The following ARL5B variants were observed in gnomAD, a reference collection of about 807,000 sequenced individuals.
ARL5B encodes the protein ARF like GTPase 5B.
ARL5B carries 10 observed loss-of-function variants against 26.9 expected under a neutral mutation model. The observed-to-expected ratio is 0.37, with a 90% CI of 0.23 to 0.63. ARL5B has a LOEUF of 0.63. Ranked by LOEUF, ARL5B falls within the 30% of genes least tolerant of loss-of-function variation. The probability of loss-of-function intolerance (pLI) is 0.62; values close to 1 mark genes in which losing one functional copy is unlikely to be tolerated. For synonymous variants in ARL5B, 87 were observed against 70.4 expected, an observed-to-expected ratio of 1.24 and a Z score of -1.18; for missense variants, 167 against 213.9, an observed-to-expected ratio of 0.78 and a Z score of 1.37.
intron 3 of ARL5B, among the ~76,000 whole-genome samples, chr10:18,670,552 A>T (rs531805510): frequency 1.3e-5 from 2 of 152,326 alleles, no homozygotes; most frequent in East Asian, 3.9e-4. Context: ...CGGAGGTGGC[A>T]GTGAGCTGAG....
At position 18,659,680 on chromosome 10, in the gene ARL5B, C is replaced by G. The variant is rs780532011; in HGVS notation, c.43C>G (p.Gln15Glu). 47 of 1,612,856 alleles carry G rather than the reference C, an allele frequency of 2.9e-5. No homozygotes were observed. The highest frequency in any genetic ancestry group is 4.0e-5 in the Non-Finnish European group (47 of 1,179,562). Reference protein sequence around the residue: ...FAKLWSLFCNQEHKVIIVGLD... With the variant: ...FAKLWSLFCNEEHKVIIVGLD... ...CAAACTGTGGAGCCTCTTCTGTAACCAAGGTGAGAAGAATGGAGCTGCGCG... is the reference window on the plus strand; with the variant it reads ...CAAACTGTGGAGCCTCTTCTGTAACGAAGGTGAGAAGAATGGAGCTGCGCG... The change falls in exon 1 of 6, where the codon CAA becomes GAA. Residue 15 changes from glutamine (Q) to glutamate (E), a missense_variant. Coordinates refer to ENST00000377275, the MANE Select transcript of ARL5B (RefSeq NM_178815.5).
At chr10:18,667,903 C>G (rs953401679) in intron 2 of ARL5B, among the ~76,000 whole-genome samples, 21 of 151,990 alleles carry the variant, frequency 1.4e-4, no homozygotes, top group Non-Finnish European at 2.8e-4. Context: ...TTAGTAGAGA[C>G]GAGGCTTCAC....
rs1025401706 is a variant in ARL5B, at chr10:18,668,760, T to C, written c.255+83T>C. 39 of 1,362,166 alleles carry C rather than the reference T, an allele frequency of 2.9e-5. No homozygotes were observed. The African/African-American group carries it at 5.2e-4, about 18-fold the overall frequency. The allele number at this position is 1,362,166 out of a possible 1,614,324, so 84.4% of individuals were successfully genotyped here. On this transcript the variant is annotated intron_variant, in intron 3 of 5. Coordinates refer to ENST00000377275, the MANE Select transcript of ARL5B (RefSeq NM_178815.5). ...GTAATTAGGCTGCACCTGGGCGTAT[T>C]GACAGTTGCCTTTTTTTTTTTTTTT...
chr10:18,666,297 T>C (rs1359407129), intron 1 of ARL5B, among the ~76,000 whole-genome samples: 1 of 152,228 alleles, frequency 6.6e-6, no homozygotes, highest in Non-Finnish European at 1.5e-5. Flanking sequence ...TCCTCTCCCC[T>C]AGATGCAATA....
chr10:18,662,794 C>T (rs913368115), intron 1 of ARL5B, among the ~76,000 whole-genome samples: 1 of 151,062 alleles, frequency 6.6e-6, no homozygotes, highest in Non-Finnish European at 1.5e-5. Context: ...ACCTCCATCT[C>T]CTGGGTTCAA....
At chr10:18,673,385 A>G (rs1210530977) in intron 4 of ARL5B, among the ~76,000 whole-genome samples, 1 of 152,096 alleles carries the variant, frequency 6.6e-6, no homozygotes, top group Non-Finnish European at 1.5e-5. Flanking sequence ...TCAAACTTAT[A>G]CTATATAATA....
At chr10:18,667,714 TACACAC>T (rs764073680) in intron 2 of ARL5B, among the ~76,000 whole-genome samples, 2 of 149,310 alleles carry the variant, frequency 1.3e-5, no homozygotes, top group South Asian at 2.1e-4. Context: ...TATATATATA[TACACAC>T]ACACACAAAC....
intron 3 of ARL5B, among the ~76,000 whole-genome samples, chr10:18,669,492 G>T (rs1156568604): frequency 6.6e-6 from 1 of 152,070 alleles, no homozygotes; most frequent in Non-Finnish European, 1.5e-5. Context: ...TATGAGTTCA[G>T]AGCTAACTTG....
chr10:18,673,401 C>T (rs1288905035), intron 4 of ARL5B, among the ~76,000 whole-genome samples: 2 of 152,060 alleles, frequency 1.3e-5, no homozygotes, highest in Non-Finnish European at 2.9e-5. Context: ...TAATATATAT[C>T]TTTCTGAATC....
chr10:18,674,625 A>G (rs973578223), intron 5 of ARL5B, among the ~76,000 whole-genome samples: 5 of 152,178 alleles, frequency 3.3e-5, no homozygotes, highest in African/African-American at 7.2e-5. Context: ...CATCTCTAAC[A>G]ATTTGAATGT....
rs1399822703 is a variant in ARL5B at position 18,678,777 on chromosome 10, T to G, written c.*3561T>G. On this transcript the variant is annotated 3_prime_UTR_variant, in exon 6 of 6. Coordinates refer to ENST00000377275, the MANE Select transcript of ARL5B (RefSeq NM_178815.5). ...GGTAAAGTGACTTCAAGATACAGCATGGTGTCTTGTATCTAGTAGAATATT... is the reference window on the plus strand; with the variant it reads ...GGTAAAGTGACTTCAAGATACAGCAGGGTGTCTTGTATCTAGTAGAATATT... 1 of 151,812 alleles carries G rather than the reference T, an allele frequency of 6.6e-6. No individual in the cohort carries two copies. The highest frequency in any genetic ancestry group is 6.6e-5 in the Admixed American group (1 of 15,228). The allele number at this position is 151,812 out of a possible 1,614,324, so 9.4% of individuals were successfully genotyped here. A position where few individuals can be genotyped will look rare whatever the true frequency, so the allele number is the denominator to read the frequency against.
At chr10:18,672,571 C>G in intron 3 of ARL5B, 51 bp from the exon 4 acceptor site, 1 of 1,425,256 alleles carries the variant, frequency 7.0e-7, no homozygotes, top group Non-Finnish European at 9.8e-7. Context: ...TTACAGAAAA[C>G]TTTTCAGCAT....
chr10:18,672,362 G>A (rs549918313), intron 3 of ARL5B, among the ~76,000 whole-genome samples: 5 of 152,060 alleles, frequency 3.3e-5, no homozygotes, highest in South Asian at 2.1e-4. Flanking sequence ...TTATGTATTC[G>A]GGCATCACTT....
Position 18,678,881 on chromosome 10 carries a change from T to G in ARL5B, c.*3665T>G, listed in dbSNP as rs1258380130. ...TGTCTAGTTGACCTTAGACAATTAG[T>G]GTCCATGGCTTTCCTTTTGTTTTTC... On this transcript the variant is annotated 3_prime_UTR_variant, in exon 6 of 6. Coordinates refer to ENST00000377275, the MANE Select transcript of ARL5B (RefSeq NM_178815.5). 4 of 151,902 alleles carry G rather than the reference T, an allele frequency of 2.6e-5. No homozygotes were observed. The highest frequency in any genetic ancestry group is 5.9e-5 in the Non-Finnish European group (4 of 67,816). 9.4% of individuals were successfully genotyped at this position (151,902 alleles called of 1,614,324 possible).
intron 3 of ARL5B, among the ~76,000 whole-genome samples, chr10:18,672,315 G>C (rs1444912256): frequency 6.6e-6 from 1 of 152,140 alleles, no homozygotes; most frequent in African/African-American, 2.4e-5. Flanking sequence ...TTCAAAAATT[G>C]CTTTTTACTA....
rs1461748310 is a variant in ARL5B at position 18,680,222 on chromosome 10, C to T, written c.*5006C>T. On this transcript the variant is annotated 3_prime_UTR_variant, in exon 6 of 6. Transcript: ENST00000377275. ...TGTTTGTACCATCCCATAAAAACCC[C>T]CTTCACCCAAACTGTATTTGAAATA... 6.6e-6 allele frequency: 1 copy of T among 151,918 alleles called. No homozygotes were observed. Among genetic ancestry groups the T allele is most frequent in the Non-Finnish European group, 1.5e-5 (1 of 67,886 alleles). The allele number at this position is 151,918 out of a possible 1,614,324, so 9.4% of individuals were successfully genotyped here.
At chr10:18,667,725 A>G (rs2059867927) in intron 2 of ARL5B, among the ~76,000 whole-genome samples, 4 of 151,940 alleles carry the variant, frequency 2.6e-5, no homozygotes, top group Admixed American at 2.6e-4. Context: ...ACACACACAC[A>G]CAAACACACA....
rs1356355506 is a variant in ARL5B at position 18,675,256 on chromosome 10, C to T, written c.*40C>T. The T allele has an allele frequency of 3.1e-6, 5 of 1,591,410 alleles. 1 individual carries two copies. The South Asian group carries it at 4.4e-5, about 14-fold the overall frequency. The stretch of plus-strand genomic sequence containing the variant: ...AGAGACTGCTCTATTTATTCTGTGA[C>T]ATGAACATTTTTTCCTAGTACCTTT... On this transcript the variant is annotated 3_prime_UTR_variant, in exon 6 of 6. Coordinates refer to ENST00000377275, the MANE Select transcript of ARL5B (RefSeq NM_178815.5).
intron 1 of ARL5B, among the ~76,000 whole-genome samples, chr10:18,662,176 A>G: frequency 6.6e-6 from 1 of 152,244 alleles, no homozygotes; most frequent in East Asian, 1.9e-4. Context: ...GCCACCTCAC[A>G]CCAACTAAAT....
Sources: allele counts gnomAD v4.1 joint callset (sites outside exome capture counted in the v4.1 genomes callset), GRCh38; gene constraint gnomAD v4.1.1; transcripts MANE v1.5; gene names NCBI Gene and HGNC (gene_info 2026-07-23, HGNC 2026-07-21).